Variants in ADAMTS18 observed in about 807,000 individuals in gnomAD.
ADAMTS18 encodes ADAM metallopeptidase with thrombospondin type 1 motif 18.
ADAMTS18 carries 157 observed loss-of-function variants against 165.9 expected under a neutral mutation model. The observed-to-expected ratio is 0.95, with a 90% CI of 0.83 to 1.08. The LOEUF is 1.08. Among genes scored for constraint, ADAMTS18 ranks in the 50% least tolerant of loss-of-function variants. The pLI, the probability that ADAMTS18 is intolerant of heterozygous loss-of-function variation, is 0.00. For synonymous variants in ADAMTS18, 782 were observed against 578.2 expected (o/e 1.35, Z -5.06); for missense variants, 2,040 against 1,534.0 (o/e 1.33, Z -5.51).
chr16:77,429,521 A>C (rs1448878395), intron 3 of ADAMTS18, among the ~76,000 whole-genome samples: 4 of 152,168 alleles, frequency 2.6e-5, no homozygotes, highest in Non-Finnish European at 4.4e-5. Context: ...TAATCTGTAC[A>C]ACAAACCCTT....
intron 8 of ADAMTS18, among the ~76,000 whole-genome samples, chr16:77,357,134 C>G (rs2144721524): frequency 6.6e-6 from 1 of 151,722 alleles, no homozygotes; most frequent in Non-Finnish European, 1.5e-5. Flanking sequence ...AGATATGACT[C>G]CTATGTAAAT....
At chr16:77,333,206 G>C (rs1038185398) in intron 12 of ADAMTS18, among the ~76,000 whole-genome samples, 4 of 152,062 alleles carry the variant, frequency 2.6e-5, no homozygotes, top group African/African-American at 9.7e-5. Flanking sequence ...GGTGCACATG[G>C]ACTTTATATG....
At chr16:77,350,074 T>C (rs1192669142) in intron 10 of ADAMTS18, among the ~76,000 whole-genome samples, 2 of 152,220 alleles carry the variant, frequency 1.3e-5, no homozygotes, top group African/African-American at 4.8e-5. Flanking sequence ...TGGGACCCTC[T>C]GACAAACAGC....
At chr16:77,294,176 ATTGAGCAGTGG>A (rs1230748438) in intron 19 of ADAMTS18, among the ~76,000 whole-genome samples, 2 of 152,140 alleles carry the variant, frequency 1.3e-5, no homozygotes, top group African/African-American at 4.8e-5. Flanking sequence ...GCCAGCAGTG[ATTGAGCAGTGG>A]TTGAGCTATC....
intron 16 of ADAMTS18, among the ~76,000 whole-genome samples, chr16:77,312,533 C>A (rs891070708): frequency 2.0e-5 from 3 of 152,124 alleles, no homozygotes; most frequent in Non-Finnish European, 2.9e-5. Context: ...CCACCGCACT[C>A]GGCCGTCTCA....
intron 12 of ADAMTS18, among the ~76,000 whole-genome samples, chr16:77,326,890 CT>C (rs2056104887): frequency 6.6e-6 from 1 of 152,162 alleles, no homozygotes; most frequent in Non-Finnish European, 1.5e-5. Context: ...CACTCTCAAT[CT>C]TTGGGTCCAT....
intron 3 of ADAMTS18, among the ~76,000 whole-genome samples, chr16:77,426,805 T>C (rs2057678737): frequency 6.6e-6 from 1 of 152,158 alleles, no homozygotes; most frequent in African/African-American, 2.4e-5. Context: ...GGAAGATTGC[T>C]TGAGCCCAGA....
At chr16:77,398,469 G>A (rs1196720280) in intron 3 of ADAMTS18, among the ~76,000 whole-genome samples, 1 of 152,218 alleles carries the variant, frequency 6.6e-6, no homozygotes, top group Non-Finnish European at 1.5e-5. Flanking sequence ...AAAGCTGCCA[G>A]ACACTTCAGA....
chr16:77,390,698 AG>A (rs1267083409), intron 3 of ADAMTS18, among the ~76,000 whole-genome samples: 1 of 150,416 alleles, frequency 6.6e-6, no homozygotes, highest in African/African-American at 2.5e-5. Context: ...TCAAAAAAAA[AG>A]AAAAAAAAAA....
intron 3 of ADAMTS18, among the ~76,000 whole-genome samples, chr16:77,393,967 A>G (rs1399047952): frequency 6.6e-6 from 1 of 152,244 alleles, no homozygotes; most frequent in Admixed American, 6.5e-5. Flanking sequence ...GGTCCTGGCT[A>G]TGAACCATAC....
chr16:77,351,678 C>T (rs961171794), intron 10 of ADAMTS18, among the ~76,000 whole-genome samples: 1 of 152,132 alleles, frequency 6.6e-6, no homozygotes, highest in African/African-American at 2.4e-5. Flanking sequence ...TGAATGGCTA[C>T]TTAACTTCTG....
At chr16:77,286,050 T>C (rs1021231675) in intron 22 of ADAMTS18, among the ~76,000 whole-genome samples, 1 of 152,218 alleles carries the variant, frequency 6.6e-6, no homozygotes, top group Non-Finnish European at 1.5e-5. Flanking sequence ...TTACACTGAC[T>C]GACAAGGCCT....
chr16:77,285,992 A>T (rs1423525291), intron 22 of ADAMTS18, among the ~76,000 whole-genome samples: 1 of 150,530 alleles, frequency 6.6e-6, no homozygotes, highest in Non-Finnish European at 1.5e-5. Context: ...TCTTCTGCTC[A>T]AAGTTCTCCA....
chr16:77,320,279 G>C (rs925908262), intron 15 of ADAMTS18, among the ~76,000 whole-genome samples, 186 bp from the exon 16 acceptor site: 2 of 152,132 alleles, frequency 1.3e-5, no homozygotes, highest in Non-Finnish European at 2.9e-5. Flanking sequence ...AAGAACACTA[G>C]AGAAAATGTA....
At chr16:77,404,620 T>C (rs1338907771) in intron 3 of ADAMTS18, among the ~76,000 whole-genome samples, 1 of 152,186 alleles carries the variant, frequency 6.6e-6, no homozygotes, top group African/African-American at 2.4e-5. Flanking sequence ...CTGGACTGTT[T>C]TGTCTGTTCT....
intron 7 of ADAMTS18, among the ~76,000 whole-genome samples, chr16:77,360,526 C>A (rs1684015560): frequency 6.6e-6 from 1 of 152,160 alleles, no homozygotes; most frequent in Non-Finnish European, 1.5e-5. Context: ...CCTTTTAGTA[C>A]ATTTTGGTCT....
chr16:77,317,986 G>A (rs2055918244), intron 16 of ADAMTS18, among the ~76,000 whole-genome samples: 1 of 152,166 alleles, frequency 6.6e-6, no homozygotes, highest in Non-Finnish European at 1.5e-5. Flanking sequence ...TGTCAGCCCA[G>A]AAAACAAGCA....
chr16:77,421,309 T>C (rs1361707486), intron 3 of ADAMTS18, among the ~76,000 whole-genome samples: 1 of 152,210 alleles, frequency 6.6e-6, no homozygotes, highest in Non-Finnish European at 1.5e-5. Flanking sequence ...GCCCTGTAAT[T>C]GGATAGAAAA....
intron 17 of ADAMTS18, among the ~76,000 whole-genome samples, chr16:77,299,627 C>A (rs541928317): frequency 6.6e-6 from 1 of 152,272 alleles, no homozygotes; most frequent in Admixed American, 6.5e-5. Flanking sequence ...TTCTTCCTCC[C>A]AAATGAGCAA....
Sources: allele counts gnomAD v4.1 joint callset (sites outside exome capture counted in the v4.1 genomes callset), GRCh38; gene constraint gnomAD v4.1.1; transcripts MANE v1.5; gene names NCBI Gene and HGNC (gene_info 2026-07-23, HGNC 2026-07-21).